MOV10L1: variants seen among roughly 807,000 people sequenced by gnomAD.
MOV10L1 encodes the protein RNA helicase Mov10l1.
In MOV10L1, 110 loss-of-function variants were observed where a neutral mutation model predicts 143.8. That is an observed-to-expected ratio of 0.76 (90% CI 0.66 to 0.90). The LOEUF (loss-of-function observed/expected upper bound fraction) is 0.90, where lower values mean the gene tolerates loss of function less well. Ranked by LOEUF, MOV10L1 falls within the 40% of genes least tolerant of loss-of-function variation. The pLI is 0.00. For synonymous variants in MOV10L1, 593 were observed against 581.1 expected (o/e 1.02, Z -0.29); for missense variants, 1,406 against 1,526.8 (o/e 0.92, Z 1.32).
Position 50,159,784 on chromosome 22 carries a change from C to T in MOV10L1, c.3323C>T (p.Thr1108Ile), listed in dbSNP as rs549169245. 6.2e-7 allele frequency: 1 copy of T among 1,600,722 alleles called. No individual in the cohort carries two copies. Among genetic ancestry groups the T allele is most frequent in the East Asian group, 2.2e-5 (1 of 44,738 alleles). The change falls in exon 24 of 27, where the codon ACC becomes ATC. Residue 1108 changes from threonine to isoleucine, a missense_variant and splice_region_variant. Around this residue, in one of 3 missense-constraint regions of MOV10L1, gnomAD observed 1,233 missense variants for 1,351.4 expected, o/e 0.91. Transcript: ENST00000262794. This position sits in a 1 kb window ranked among gnomAD's most constrained non-coding sequence, Gnocchi z 4.1. ...GAGTATCTGGTCATCATCATTTCGACCGTAGGTATCCCTGTTCTCCGTGGG... is the reference window on the plus strand; with the variant it reads ...GAGTATCTGGTCATCATCATTTCGATCGTAGGTATCCCTGTTCTCCGTGGG... The part of the protein sequence containing the change: ...GQEYLVIIIS[T>I]VRSNEDRFED...
At chr22:50,106,684 G>A (rs913565736) in intron 3 of MOV10L1, among the ~76,000 whole-genome samples, 6 of 148,910 alleles carry the variant, frequency 4.0e-5, no homozygotes, top group Non-Finnish European at 7.4e-5. Flanking sequence ...TTAAATTGTG[G>A]TTTTAGGACA....
At chr22:50,153,562 A>G (rs2063351662) in intron 22 of MOV10L1, among the ~76,000 whole-genome samples, 2 of 152,156 alleles carry the variant, frequency 1.3e-5, no homozygotes, top group South Asian at 4.1e-4. Context: ...CCAGGGCCGC[A>G]GGAAGCTCCC....
chr22:50,113,654 C>A lies in MOV10L1; in HGVS notation c.750C>A (p.Ala250=), dbSNP rs768983260. 3.7e-6 allele frequency: 6 copies of A among 1,612,838 alleles called. No homozygotes were observed. In the African/African-American group the frequency reaches 6.7e-5, roughly 18 times the overall value. Residue 250 remains alanine (A), a synonymous_variant, in exon 6 of 27, where the codon GCC becomes GCA. Coordinates refer to ENST00000262794, the MANE Select transcript of MOV10L1 (RefSeq NM_018995.3). The part of the protein sequence containing the change: ...LCMTLVKRRD[A]APVHEATHFY... ...TCTGGGGCTCTTTTTTCAGAGACGCCGCCCCTGTTCATGAGGCCACTCATT... is the reference window on the plus strand; with the variant it reads ...TCTGGGGCTCTTTTTTCAGAGACGCAGCCCCTGTTCATGAGGCCACTCATT...
At chr22:50,154,031 G>T (rs766845085) in intron 22 of MOV10L1, among the ~76,000 whole-genome samples, 1 of 152,206 alleles carries the variant, frequency 6.6e-6, no homozygotes, top group Non-Finnish European at 1.5e-5. Flanking sequence ...CTCTTCGTAA[G>T]TTCCTGAGGG....
At chr22:50,106,828 A>G (rs1490199141) in intron 3 of MOV10L1, among the ~76,000 whole-genome samples, 1 of 150,164 alleles carries the variant, frequency 6.7e-6, no homozygotes, top group Non-Finnish European at 1.5e-5. Flanking sequence ...CAGCCTCCCG[A>G]GTAGCTGGGA....
intron 20 of MOV10L1, 123 bp from the exon 21 acceptor site, chr22:50,150,612 G>A (rs2063272090): frequency 5.4e-6 from 6 of 1,118,664 alleles, no homozygotes; most frequent in Admixed American, 2.3e-5. Flanking sequence ...AGTCCCTCCC[G>A]TCGTCCCCTG....
At chr22:50,135,677 G>A (rs909286415) in intron 15 of MOV10L1, among the ~76,000 whole-genome samples, 24 of 151,526 alleles carry the variant, frequency 1.6e-4, no homozygotes, top group Middle Eastern at 3.4e-3. Flanking sequence ...CTTGAACCCA[G>A]GAGGCAGAGG....
chr22:50,106,110 A>C (rs1229288217), intron 3 of MOV10L1, among the ~76,000 whole-genome samples: 1 of 152,198 alleles, frequency 6.6e-6, no homozygotes, highest in Non-Finnish European at 1.5e-5. Flanking sequence ...ATAATGTCAA[A>C]TATTTCTCCT....
At chr22:50,136,535 A>G (rs2062827286) in intron 15 of MOV10L1, among the ~76,000 whole-genome samples, 1 of 152,258 alleles carries the variant, frequency 6.6e-6, no homozygotes, top group Non-Finnish European at 1.5e-5. Flanking sequence ...GATTCCTGAG[A>G]GAGGAAACAA....
chr22:50,142,875 A>G (rs2063030872), intron 16 of MOV10L1, among the ~76,000 whole-genome samples, 168 bp from the exon 17 acceptor site: 1 of 152,044 alleles, frequency 6.6e-6, no homozygotes. Flanking sequence ...ATTAAGAGGA[A>G]TGCCCTGTGC....
At position 50,152,763 on chromosome 22, in the gene MOV10L1, T is replaced by A. The variant is rs2063332716; in HGVS notation, c.2893-282T>A. Among the ~76,000 whole-genome samples, 3 of 152,094 alleles carry A rather than the reference T, an allele frequency of 2.0e-5. No individual in the cohort carries two copies. The highest frequency in any genetic ancestry group is 4.4e-5 in the Non-Finnish European group (3 of 68,018). On this transcript the variant is annotated intron_variant, in intron 21 of 26. Coordinates refer to ENST00000262794, the MANE Select transcript of MOV10L1 (RefSeq NM_018995.3). This position sits in a 1 kb window ranked among gnomAD's most constrained non-coding sequence, Gnocchi z 4.4. ...GCTGGGTTCCAGGTGGCAGGAGCCC[T>A]TTAAGAGGCCCCTCAGCGGCACCCA...
At chr22:50,144,943 A>AT (rs962614937) in intron 18 of MOV10L1, among the ~76,000 whole-genome samples, 1 of 149,268 alleles carries the variant, frequency 6.7e-6, no homozygotes, top group African/African-American at 2.5e-5. Context: ...TATTGCTTTT[A>AT]TTTTTTTGTT....
At chr22:50,111,486 C>CTTTTTTTTTTT (rs529438045) in intron 5 of MOV10L1, among the ~76,000 whole-genome samples, 11 of 59,148 alleles carry the variant, frequency 1.9e-4, no homozygotes, top group Non-Finnish European at 2.9e-4. Context: ...TCTGTCTTTG[C>CTTTTTTTTTTT]TTTTTTTTTT....
rs763352818 is a variant in MOV10L1 at position 50,116,830 on chromosome 22, A to AT, written c.1260-321dup. On this transcript the variant is annotated intron_variant, in intron 8 of 26. Coordinates refer to ENST00000262794, the MANE Select transcript of MOV10L1 (RefSeq NM_018995.3). ...GCCTCCATGTCCGGCTAATTTGTGTATTTTTTGCAGAGACAGGTTCATCCT... is the reference window on the plus strand; with the variant it reads ...GCCTCCATGTCCGGCTAATTTGTGTATTTTTTTGCAGAGACAGGTTCATCCT... Among the ~76,000 whole-genome samples the AT allele has an allele frequency of 2.9e-3, 435 of 151,542 alleles. 12 individuals carry two copies. Among genetic ancestry groups the AT allele is most frequent in the Non-Finnish European group, 5.4e-4 (37 of 67,894 alleles).
intron 5 of MOV10L1, among the ~76,000 whole-genome samples, chr22:50,110,683 G>C (rs949312058): frequency 2.6e-5 from 4 of 152,036 alleles, no homozygotes; most frequent in African/African-American, 9.7e-5. Context: ...GTAATCCTAG[G>C]ACTTTGGGAG....
intron 13 of MOV10L1, 50 bp from the exon 14 acceptor site, chr22:50,133,957 A>G: frequency 6.7e-7 from 1 of 1,501,198 alleles, no homozygotes; most frequent in East Asian, 2.3e-5. Flanking sequence ...GCCAGCCTTA[A>G]TATTTCTGAA....
rs1489813760 is a variant in MOV10L1, at chr22:50,092,015, A to C, written c.112A>C (p.Lys38Gln). The C allele has an allele frequency of 6.2e-7, 1 of 1,613,538 alleles. No homozygotes were observed. Among genetic ancestry groups the C allele is most frequent in the African/African-American group, 1.3e-5 (1 of 74,932 alleles). Residue 38 changes from lysine to glutamine, a missense_variant, in exon 2 of 27, where the codon AAA becomes CAA. Coordinates refer to ENST00000262794, the MANE Select transcript of MOV10L1 (RefSeq NM_018995.3). ...ACCTACCTCAGGTGACACTAAGCTG[A>C]AAACTGTACGGGGTGTCGTGACAAG... The part of the protein sequence containing the change: ...PELAEGDTKL[K>Q]TVRGVVTRYC...
chr22:50,141,195 G>A (rs958284177), intron 15 of MOV10L1, among the ~76,000 whole-genome samples: 2 of 152,114 alleles, frequency 1.3e-5, no homozygotes, highest in African/African-American at 2.4e-5. Flanking sequence ...GTGGCACCAC[G>A]GCCAGCTAAT....
Position 50,159,342 on chromosome 22 carries a change from C to G in MOV10L1, c.3217-336C>G, listed in dbSNP as rs1339202350. On this transcript the variant is annotated intron_variant, in intron 23 of 26. Transcript: ENST00000262794. The surrounding 1 kb of genome is among the most constrained non-coding windows in gnomAD (Gnocchi z 4.1). Reference sequence around the variant, plus strand: ...ACATGTCGGGCGTGGTGGCTCACGCCTGTAATCCCAGCACTTTGGGAGGCC... The same window carrying G: ...ACATGTCGGGCGTGGTGGCTCACGCGTGTAATCCCAGCACTTTGGGAGGCC... The G allele has an allele frequency of 5.8e-6, 1 of 172,014 alleles. No homozygotes were observed. The highest frequency in any genetic ancestry group is 6.3e-5 in the Admixed American group (1 of 15,852). 10.7% of individuals were successfully genotyped at this position (172,014 alleles called of 1,614,324 possible).
Sources: gnomAD v4.1 joint callset for allele counts (sites outside exome capture counted in the v4.1 genomes callset) on GRCh38, gnomAD v4.1.1 for gene constraint, gnomAD v4.1.1 regional missense constraint, Gnocchi (gnomAD v3.1) non-coding constraint, MANE v1.5 for transcripts, NCBI Gene and HGNC (gene_info 2026-07-23, HGNC 2026-07-21) for gene names.